The following ZNF248 variants were observed in gnomAD, a reference collection of about 807,000 sequenced individuals.
The protein encoded by ZNF248 is KRAB protein domain.
ZNF248 carries 20 observed loss-of-function variants against 44.3 expected under a neutral mutation model. The observed-to-expected ratio is 0.45, with a 90% confidence interval of 0.32 to 0.66. The LOEUF is 0.66. Ranked by LOEUF, ZNF248 falls within the 30% of genes least tolerant of loss-of-function variation. The pLI, the probability that ZNF248 is intolerant of heterozygous loss-of-function variation, is 0.04. For missense variants in ZNF248, 654 were observed against 677.0 expected, an observed-to-expected ratio of 0.97 and a Z score of 0.38; for synonymous variants, 224 against 229.0, an observed-to-expected ratio of 0.98 and a Z score of 0.20.
At chr10:37,768,485 C>A in the ZNF248 span, among the ~76,000 whole-genome samples, 4 of 152,206 alleles carry the variant, frequency 2.6e-5, no homozygotes, top group African/African-American at 7.2e-5. Flanking sequence ...AATCGCTCAA[C>A]TACATGGAAA....
At chr10:37,781,479 G>A (rs1365644893) in intron 6 of ZNF248, among the ~76,000 whole-genome samples, 1 of 152,178 alleles carries the variant, frequency 6.6e-6, no homozygotes, top group Non-Finnish European at 1.5e-5. Flanking sequence ...CTGCCCATTG[G>A]TTGGAGTTTT....
intron 3 of ZNF248, among the ~76,000 whole-genome samples, chr10:37,838,751 G>GC (rs1554843034): frequency 6.8e-6 from 1 of 146,976 alleles, no homozygotes; most frequent in Admixed American, 6.7e-5. Flanking sequence ...TGAAAAAAAA[G>GC]AAAAAAAAAG....
At chr10:37,837,242 C>T (rs200924) in intron 5 of ZNF248, among the ~76,000 whole-genome samples, 72,429 of 151,746 alleles carry the variant, frequency 0.48, 17,612 homozygotes, top group East Asian at 0.56. Flanking sequence ...GCCTCCCAAG[C>T]AGCTGGGACT....
At chr10:37,800,583 T>C (rs555967238) in intron 6 of ZNF248, among the ~76,000 whole-genome samples, 8 of 152,310 alleles carry the variant, frequency 5.3e-5, no homozygotes, top group Non-Finnish European at 1.0e-4. Flanking sequence ...TGAACATATG[T>C]GTGCATGTGT....
intron 5 of ZNF248, among the ~76,000 whole-genome samples, chr10:37,836,252 C>G (rs1432598797): frequency 6.6e-6 from 1 of 152,150 alleles, no homozygotes; most frequent in Non-Finnish European, 1.5e-5. Context: ...AACCACCCAC[C>G]ACAGTATATA....
intron 6 of ZNF248, among the ~76,000 whole-genome samples, chr10:37,806,983 A>T (rs1589267641): frequency 1.3e-5 from 2 of 149,360 alleles, no homozygotes; most frequent in Non-Finnish European, 1.5e-5. Context: ...TTTTCCCAGC[A>T]TTTTTTTTTT....
chr10:37,774,427 C>T (rs926836667), downstream of ZNF248, among the ~76,000 whole-genome samples: 5 of 152,112 alleles, frequency 3.3e-5, no homozygotes, highest in Admixed American at 1.3e-4. Context: ...TTTCAGCTCT[C>T]GAGGGGTTAT....
At chr10:37,817,114 T>A (rs1743811) in intron 6 of ZNF248, among the ~76,000 whole-genome samples, 9,100 of 152,142 alleles carry the variant, frequency 0.06, 352 homozygotes, top group Middle Eastern at 0.095. Context: ...GCCCCTCCCA[T>A]GTAGATGCCA....
At chr10:37,814,338 T>A (rs2052073969) in intron 6 of ZNF248, among the ~76,000 whole-genome samples, 1 of 152,240 alleles carries the variant, frequency 6.6e-6, no homozygotes, top group South Asian at 2.1e-4. Flanking sequence ...GACTTCTTTA[T>A]ACATTGTGTC....
At position 37,812,005 on chromosome 10, in the gene ZNF248, G is replaced by A. The variant is rs561077466; in HGVS notation, c.330+21020C>T. On this transcript the variant is annotated intron_variant, in intron 6 of 6. Coordinates refer to the ZNF248 transcript ENST00000615949. ...AATCCCAGCACTTTGGGAAGTCAAG[G>A]CAGGCAGATTGCTTGAGCCCAGGAG... 1.6e-3 allele frequency among the ~76,000 whole-genome samples: 244 copies of A among 152,076 alleles called. 1 individual carries two copies. Among genetic ancestry groups the A allele is most frequent in the Non-Finnish European group, 2.8e-3 (191 of 67,984 alleles).
At chr10:37,809,104 T>G (rs118038813) in intron 6 of ZNF248, among the ~76,000 whole-genome samples, 1 of 152,190 alleles carries the variant, frequency 6.6e-6, no homozygotes, top group African/African-American at 2.4e-5. Flanking sequence ...TTTAGTAGTT[T>G]GAGTCATTTT....
intron 6 of ZNF248, among the ~76,000 whole-genome samples, chr10:37,805,258 A>C (rs74661738): frequency 1.5e-4 from 23 of 152,344 alleles, no homozygotes; most frequent in Non-Finnish European, 3.2e-4. Context: ...CAGAGAGTAT[A>C]CTACTGAGTT....
chr10:37,798,815 G>C (rs1347904847), intron 6 of ZNF248, among the ~76,000 whole-genome samples: 4 of 152,092 alleles, frequency 2.6e-5, no homozygotes, highest in African/African-American at 9.7e-5. Context: ...GATGGAACAG[G>C]TATAGAAGTC....
the ZNF248 span, among the ~76,000 whole-genome samples, chr10:37,765,579 A>C: frequency 6.6e-6 from 1 of 152,240 alleles, no homozygotes; most frequent in Non-Finnish European, 1.5e-5. Context: ...TGCATAAAAT[A>C]CAAACTTCAC....
At chr10:37,788,327 T>C (rs879910852) in intron 6 of ZNF248, among the ~76,000 whole-genome samples, 2 of 128,696 alleles carry the variant, frequency 1.6e-5, no homozygotes, top group Admixed American at 7.8e-5. Flanking sequence ...AAAGAAAATA[T>C]ACAAATGCAA....
At chr10:37,774,480 T>C (rs2046427515), downstream of ZNF248, among the ~76,000 whole-genome samples, 1 of 152,196 alleles carries the variant, frequency 6.6e-6, no homozygotes, top group Non-Finnish European at 1.5e-5. Flanking sequence ...GTATGTAATC[T>C]GTCAAGAAAA....
At chr10:37,824,935 G>A (rs1223246373), downstream of ZNF248, among the ~76,000 whole-genome samples, 24 of 147,644 alleles carry the variant, frequency 1.6e-4, no homozygotes, top group African/African-American at 6.0e-4. Context: ...TGATCTGCCT[G>A]CCTTGGCCTC....
At chr10:37,807,725 C>G (rs751230283) in intron 6 of ZNF248, among the ~76,000 whole-genome samples, 2 of 152,140 alleles carry the variant, frequency 1.3e-5, no homozygotes, top group African/African-American at 2.4e-5. Context: ...ACAAACACAA[C>G]TGATTTTTGT....
At chr10:37,822,552 T>C (rs1351778163) in intron 6 of ZNF248, among the ~76,000 whole-genome samples, 1 of 152,110 alleles carries the variant, frequency 6.6e-6, no homozygotes, top group Non-Finnish European at 1.5e-5. Flanking sequence ...ATGAGAATCT[T>C]CAGTGGTAAA....
Sources: allele counts gnomAD v4.1 joint callset (sites outside exome capture counted in the v4.1 genomes callset), GRCh38; gene constraint gnomAD v4.1.1; transcripts MANE v1.5; gene names NCBI Gene and HGNC (gene_info 2026-07-23, HGNC 2026-07-21).